Variants in CLSTN2 observed in about 807,000 individuals in gnomAD.
CLSTN2 encodes calsyntenin-2.
A neutral mutation model predicts 101.2 loss-of-function variants in CLSTN2; 48 were observed. The observed-to-expected ratio is 0.47, with a 90% CI of 0.38 to 0.60. The LOEUF (loss-of-function observed/expected upper bound fraction) is 0.60, where lower values mean the gene tolerates loss of function less well. Among genes scored for constraint, CLSTN2 ranks in the 20% least tolerant of loss-of-function variants. The pLI, the probability that CLSTN2 is intolerant of heterozygous loss-of-function variation, is 0.00. For missense variants in CLSTN2, 1,160 were observed against 1,238.2 expected, an observed-to-expected ratio of 0.94 and a Z score of 0.95; for synonymous variants, 481 against 463.6, an observed-to-expected ratio of 1.04 and a Z score of -0.48.
At chr3:140,542,622 GCCT>G (rs1407179528) in intron 9 of CLSTN2, among the ~76,000 whole-genome samples, 1 of 151,844 alleles carries the variant, frequency 6.6e-6, no homozygotes, top group Non-Finnish European at 1.5e-5. Flanking sequence ...TTTTATACTG[GCCT>G]CCTGTTGAAA....
At chr3:140,294,387 C>G (rs1295679260) in intron 2 of CLSTN2, among the ~76,000 whole-genome samples, 1 of 151,610 alleles carries the variant, frequency 6.6e-6, no homozygotes, top group Non-Finnish European at 1.5e-5. Context: ...CCTACACTGA[C>G]TTTTGCTCCA....
intron 1 of CLSTN2, among the ~76,000 whole-genome samples, chr3:140,041,757 C>T (rs138362296): frequency 2.0e-5 from 3 of 152,272 alleles, no homozygotes; most frequent in Admixed American, 6.5e-5. Context: ...CCATGAGTGT[C>T]GTTGCTTCTC....
At chr3:140,562,689 T>A in intron 13 of CLSTN2, 122 bp from the exon 14 acceptor site, 1 of 1,045,964 alleles carries the variant, frequency 9.6e-7, no homozygotes, top group Non-Finnish European at 1.4e-6. Context: ...TATCTTGAGC[T>A]CTTACCCTCA....
intron 1 of CLSTN2, among the ~76,000 whole-genome samples, chr3:140,052,695 G>A (rs138636284): frequency 1.3e-3 from 198 of 152,254 alleles, no homozygotes; most frequent in African/African-American, 3.4e-3. Flanking sequence ...CTTTTGAAGC[G>A]TAGCCCTTTC....
intron 2 of CLSTN2, among the ~76,000 whole-genome samples, chr3:140,294,196 G>A (rs1472809098): frequency 6.6e-6 from 1 of 152,180 alleles, no homozygotes; most frequent in East Asian, 1.9e-4. Flanking sequence ...CCTAGCTTCT[G>A]CGAGCCTCAG....
At chr3:140,382,765 G>A (rs774010838) in intron 2 of CLSTN2, among the ~76,000 whole-genome samples, 6 of 152,144 alleles carry the variant, frequency 3.9e-5, no homozygotes, top group African/African-American at 4.8e-5. Flanking sequence ...CCTGGCTTAC[G>A]GACTGCTGGC....
At chr3:140,120,767 A>G (rs566639348) in intron 1 of CLSTN2, among the ~76,000 whole-genome samples, 1 of 152,332 alleles carries the variant, frequency 6.6e-6, no homozygotes, top group East Asian at 1.9e-4. Context: ...AGCTATCTTC[A>G]GGGCTTCCTC....
intron 5 of CLSTN2, among the ~76,000 whole-genome samples, chr3:140,440,582 C>A (rs2088751490): frequency 6.6e-6 from 1 of 152,130 alleles, no homozygotes; most frequent in Non-Finnish European, 1.5e-5. Flanking sequence ...TATTGTCTCA[C>A]AGAAACCCTA....
At chr3:140,226,547 C>G (rs907799576) in intron 2 of CLSTN2, among the ~76,000 whole-genome samples, 1 of 152,092 alleles carries the variant, frequency 6.6e-6, no homozygotes, top group Non-Finnish European at 1.5e-5. Context: ...TTATAGAATT[C>G]TTTTAATTTT....
chr3:140,247,681 C>T (rs768920073), intron 2 of CLSTN2, among the ~76,000 whole-genome samples: 27 of 152,038 alleles, frequency 1.8e-4, no homozygotes, highest in Middle Eastern at 3.2e-3. Flanking sequence ...GTGAGAAAGG[C>T]GGCCATCTAA....
intron 2 of CLSTN2, among the ~76,000 whole-genome samples, chr3:140,371,099 C>T (rs1489108001): frequency 6.6e-6 from 1 of 152,144 alleles, no homozygotes; most frequent in Non-Finnish European, 1.5e-5. Context: ...TTCTCACTTC[C>T]AGAGGCAATG....
At chr3:140,433,104 C>T (rs2088651708) in intron 5 of CLSTN2, among the ~76,000 whole-genome samples, 1 of 152,200 alleles carries the variant, frequency 6.6e-6, no homozygotes, top group Non-Finnish European at 1.5e-5. Context: ...AGAACACTGC[C>T]ATCTTTTGAG....
chr3:139,969,168 A>G (rs1576380424), intron 1 of CLSTN2, among the ~76,000 whole-genome samples: 2 of 152,188 alleles, frequency 1.3e-5, no homozygotes, highest in Non-Finnish European at 2.9e-5. Flanking sequence ...ATACTAAGGC[A>G]TGGAGGTTTA....
At chr3:140,358,859 A>G (rs1347409521) in intron 2 of CLSTN2, among the ~76,000 whole-genome samples, 1 of 152,062 alleles carries the variant, frequency 6.6e-6, no homozygotes, top group East Asian at 1.9e-4. Flanking sequence ...TAACAATGCA[A>G]CAGGGATCAG....
At chr3:140,063,413 G>T (rs562442517) in intron 1 of CLSTN2, among the ~76,000 whole-genome samples, 1 of 152,226 alleles carries the variant, frequency 6.6e-6, no homozygotes, top group South Asian at 2.1e-4. Context: ...AATGATAAAA[G>T]GGGAGAGGAG....
At chr3:140,394,083 C>CT (rs2088152409) in intron 2 of CLSTN2, among the ~76,000 whole-genome samples, 1 of 152,098 alleles carries the variant, frequency 6.6e-6, no homozygotes, top group Non-Finnish European at 1.5e-5. Context: ...GTCTGCCATC[C>CT]CTTTGTGCTG....
chr3:139,993,999 C>A (rs1163925775), intron 1 of CLSTN2, among the ~76,000 whole-genome samples: 1 of 152,084 alleles, frequency 6.6e-6, no homozygotes, highest in Non-Finnish European at 1.5e-5. Context: ...GTTGCCTAAC[C>A]CCTAGGATGA....
intron 2 of CLSTN2, among the ~76,000 whole-genome samples, chr3:140,231,469 G>C (rs2086371288): frequency 6.6e-6 from 1 of 152,146 alleles, no homozygotes; most frequent in Non-Finnish European, 1.5e-5. Context: ...CACACAAGGG[G>C]AGACAAATTC....
At chr3:140,478,026 G>A (rs1317346690) in intron 8 of CLSTN2, among the ~76,000 whole-genome samples, 1 of 152,156 alleles carries the variant, frequency 6.6e-6, no homozygotes. Context: ...CCAATAGAGA[G>A]TTGACCTTAC....
Sources: allele counts gnomAD v4.1 joint callset (sites outside exome capture counted in the v4.1 genomes callset), GRCh38; gene constraint gnomAD v4.1.1; transcripts MANE v1.5; gene names NCBI Gene and HGNC (gene_info 2026-07-23, HGNC 2026-07-21).